Variants in ZSCAN5A observed in about 807,000 individuals in gnomAD.
The protein encoded by ZSCAN5A is zinc finger and SCAN domain containing 5A.
Under a neutral mutation model 23.7 loss-of-function variants are expected in ZSCAN5A, and 12 were observed. That is an observed-to-expected ratio of 0.51 (90% CI 0.32 to 0.82). ZSCAN5A has a LOEUF of 0.82. ZSCAN5A is among the 40% of genes least tolerant of loss of function. The pLI is 0.03. For synonymous variants in ZSCAN5A, 257 were observed against 239.9 expected (o/e 1.07, Z -0.66); for missense variants, 597 against 617.9 (o/e 0.97, Z 0.36).
intron 2 of ZSCAN5A, among the ~76,000 whole-genome samples, chr19:56,248,975 T>C (rs1004641727): frequency 5.9e-5 from 9 of 152,146 alleles, no homozygotes; most frequent in Admixed American, 1.3e-4. Context: ...CTCATGAGTA[T>C]CCACCACTGG....
intron 2 of ZSCAN5A, among the ~76,000 whole-genome samples, chr19:56,286,226 T>C (rs1315389782): frequency 6.6e-6 from 1 of 151,046 alleles, no homozygotes; most frequent in Admixed American, 6.6e-5. Flanking sequence ...TTCACCATGT[T>C]GGCCAGGCTG....
chr19:56,231,372 A>G (rs1314597955), intron 2 of ZSCAN5A, among the ~76,000 whole-genome samples: 1 of 152,222 alleles, frequency 6.6e-6, no homozygotes, highest in African/African-American at 2.4e-5. Flanking sequence ...TTTATTTGTA[A>G]ATTTATAAAG....
chr19:56,283,076 G>T (rs985942818), intron 2 of ZSCAN5A: 1 of 152,160 alleles, frequency 6.6e-6, no homozygotes, highest in African/African-American at 2.4e-5. Context: ...CCTAGGTGGG[G>T]CAATCTTAGA....
intron 2 of ZSCAN5A, among the ~76,000 whole-genome samples, chr19:56,251,954 A>G (rs1031798801): frequency 6.6e-6 from 1 of 152,200 alleles, no homozygotes; most frequent in African/African-American, 2.4e-5. Flanking sequence ...AAAACCTAAA[A>G]TATATATTCT....
rs61646242 is a variant in ZSCAN5A at position 56,328,994 on chromosome 19, C to CAAAA, written c.-357-12730_-357-12727dup. Among the ~76,000 whole-genome samples, 681 of 106,136 alleles carry CAAAA rather than the reference C, an allele frequency of 6.4e-3. 2 individuals are homozygous for CAAAA. The highest frequency in any genetic ancestry group is 0.018 in the African/African-American group (611 of 33,144). 69.6% of individuals were successfully genotyped at this position (106,136 alleles called of 152,430 possible). ...TGGGCGACAGAGCGAGACTCCGTCTCAAAAAAAAAAAAAAATAAATAAATA... is the reference window on the plus strand; with the variant it reads ...TGGGCGACAGAGCGAGACTCCGTCTCAAAAAAAAAAAAAAAAAAATAAATAAATA... On this transcript the variant is annotated intron_variant, in intron 2 of 6. Coordinates refer to the ZSCAN5A transcript ENST00000587340.
chr19:56,351,985 G>A lies in ZSCAN5A; in HGVS notation c.-358+11250C>T. Among the ~76,000 whole-genome samples the A allele has an allele frequency of 6.6e-6, 1 of 152,180 alleles. No homozygotes were observed. The highest frequency in any genetic ancestry group is 2.1e-4 in the South Asian group (1 of 4,830). On this transcript the variant is annotated intron_variant, in intron 2 of 6. Coordinates refer to the ZSCAN5A transcript ENST00000587340. The surrounding 1 kb of genome is among the most constrained non-coding windows in gnomAD (Gnocchi z 4.8). ...CATTACACTTTCTTACCCAAAGTCA[G>A]GTAGGGAAGTGGGACCCGAAACTCA... is the stretch of plus-strand genomic sequence containing the variant.
At chr19:56,233,331 C>A (rs1037669581) in intron 2 of ZSCAN5A, among the ~76,000 whole-genome samples, 4 of 152,062 alleles carry the variant, frequency 2.6e-5, no homozygotes, top group Non-Finnish European at 5.9e-5. Context: ...ACATCATTGT[C>A]TATAAAAACG....
At chr19:56,343,171 A>G (rs572869942) in intron 2 of ZSCAN5A, 7 of 724,978 alleles carry the variant, frequency 9.7e-6, no homozygotes, top group Non-Finnish European at 1.7e-5. Flanking sequence ...TAATTGCTTT[A>G]TTGAAACTAA....
intron 2 of ZSCAN5A, among the ~76,000 whole-genome samples, chr19:56,271,544 A>G (rs2037849997): frequency 6.6e-6 from 1 of 152,228 alleles, no homozygotes; most frequent in African/African-American, 2.4e-5. Context: ...GGAGCTCTGA[A>G]ATATGGCAAA....
chr19:56,360,160 T>C (rs949493190), intron 2 of ZSCAN5A, among the ~76,000 whole-genome samples: 6 of 152,216 alleles, frequency 3.9e-5, no homozygotes, highest in African/African-American at 1.4e-4. Flanking sequence ...GACATGATGC[T>C]GTATCTAGAA....
In ZSCAN5A at chr19:56,356,299, G is replaced by A. The variant is rs1348016593; in HGVS notation, c.-358+6936C>T. Among the ~76,000 whole-genome samples, 14 of 148,702 alleles carry A rather than the reference G, an allele frequency of 9.4e-5. 2 individuals are homozygous for A. Among genetic ancestry groups the A allele is most frequent in the Admixed American group, 4.7e-4 (7 of 15,046 alleles). ...AGCAGCCACCTTTTAAACAATCAGT[G>A]GTGGGAATTACGTGATGCAGGAAGC... On this transcript the variant is annotated intron_variant, in intron 2 of 6. Coordinates refer to the ZSCAN5A transcript ENST00000587340.
In ZSCAN5A at chr19:56,343,389, T is replaced by C. The variant is rs1267986285; in HGVS notation, c.-358+19846A>G. The C allele has an allele frequency of 5.5e-6, 3 of 547,410 alleles. No homozygotes were observed. The East Asian group carries it at 1.4e-4, about 26-fold the overall frequency. The allele number at this position is 547,410 out of a possible 1,614,324, so 33.9% of individuals were successfully genotyped here. A position where few individuals can be genotyped will look rare whatever the true frequency, so the allele number is the denominator to read the frequency against. On this transcript the variant is annotated intron_variant, in intron 2 of 6. Transcript: ENST00000587340. The stretch of plus-strand genomic sequence containing the variant: ...TTAGAGCATTTTCTGAGAATATAAG[T>C]GCCATGCAGCAATTTGTGAACCAAA...
intron 2 of ZSCAN5A, among the ~76,000 whole-genome samples, chr19:56,282,225 A>T (rs1221712614): frequency 6.6e-6 from 1 of 152,080 alleles, no homozygotes; most frequent in Non-Finnish European, 1.5e-5. Flanking sequence ...ATTCAGCTGG[A>T]GAAGGGAGGG....
At chr19:56,252,488 C>T (rs2036414088) in intron 2 of ZSCAN5A, among the ~76,000 whole-genome samples, 1 of 152,066 alleles carries the variant, frequency 6.6e-6, no homozygotes, top group South Asian at 2.1e-4. Flanking sequence ...CTGAATGTGG[C>T]TTGAGAGGGC....
At chr19:56,244,163 G>A in intron 2 of ZSCAN5A, 1 of 1,610,210 alleles carries the variant, frequency 6.2e-7, no homozygotes. Context: ...CTGGGACCCT[G>A]AGACTTGTCA....
chr19:56,245,445 G>C lies in ZSCAN5A; in HGVS notation c.-127-20272C>G, dbSNP rs781547757. 3 of 636,092 alleles carry C rather than the reference G, an allele frequency of 4.7e-6. No individual in the cohort carries two copies. In the South Asian group the frequency reaches 5.8e-5, roughly 12 times the overall value. The allele number at this position is 636,092 out of a possible 1,614,324, so 39.4% of individuals were successfully genotyped here. A position where few individuals can be genotyped will look rare whatever the true frequency, so the allele number is the denominator to read the frequency against. On this transcript the variant is annotated intron_variant, in intron 2 of 5. Transcript: ENST00000683990. ...AGGCAGGTGAGTGTGTGAGGCCCTG[G>C]TGTCTGGGCAGAGGTGGGAGAAGGA...
At chr19:56,319,764 C>T (rs755325292), upstream of ZSCAN5A, 132 of 755,146 alleles carry the variant, frequency 1.7e-4, 1 homozygote, top group Non-Finnish European at 2.7e-4. Flanking sequence ...GGGCCAGTCG[C>T]ATCCTAAGCC....
chr19:56,239,891 T>G (rs7251734), intron 2 of ZSCAN5A, among the ~76,000 whole-genome samples: 1 of 152,054 alleles, frequency 6.6e-6, no homozygotes, highest in Non-Finnish European at 1.5e-5. Context: ...GGGCCAGGTG[T>G]GGTGGCTCAC....
chr19:56,365,460 T>C (rs904658109), intron 1 of ZSCAN5A, among the ~76,000 whole-genome samples: 4 of 152,218 alleles, frequency 2.6e-5, no homozygotes, highest in Non-Finnish European at 5.9e-5. Context: ...CTTAAGCAGC[T>C]AAAATTCACT....
Sources: allele counts gnomAD v4.1 joint callset (sites outside exome capture counted in the v4.1 genomes callset), GRCh38; gene constraint gnomAD v4.1.1; non-coding constraint Gnocchi (gnomAD v3.1); transcripts MANE v1.5; gene names NCBI Gene and HGNC (gene_info 2026-07-23, HGNC 2026-07-21).